SCFD2: variants seen among roughly 807,000 people sequenced by gnomAD.
The protein encoded by SCFD2 is sec1 family domain-containing protein 2.
In SCFD2, 54 loss-of-function variants were observed where a neutral mutation model predicts 58.9. The ratio of observed to expected loss-of-function variants is 0.92; its 90% CI spans 0.74 to 1.15. The LOEUF (loss-of-function observed/expected upper bound fraction) is 1.15, where lower values mean the gene tolerates loss of function less well. Ranked by LOEUF, SCFD2 falls within the 50% of genes most tolerant of loss-of-function variation. The pLI is 0.00. For synonymous variants in SCFD2, 321 were observed against 335.9 expected (o/e 0.96, Z 0.49); for missense variants, 805 against 836.6 (o/e 0.96, Z 0.47).
intron 2 of SCFD2, among the ~76,000 whole-genome samples, chr4:53,346,703 G>A (rs1210603708): frequency 3.3e-5 from 5 of 152,164 alleles, no homozygotes; most frequent in Admixed American, 2.0e-4. Context: ...GTGGAGGAAG[G>A]AGACATGTAA....
intron 4 of SCFD2, among the ~76,000 whole-genome samples, chr4:53,223,628 A>G (rs545992755): frequency 1.3e-5 from 2 of 152,354 alleles, no homozygotes; most frequent in Non-Finnish European, 2.9e-5. Flanking sequence ...GTCTCACGGA[A>G]CATTTTCTCA....
intron 5 of SCFD2, among the ~76,000 whole-genome samples, chr4:53,012,829 TG>T (rs1215495945): frequency 2.4e-3 from 250 of 103,696 alleles, no homozygotes; most frequent in African/African-American, 8.4e-3. Flanking sequence ...TGTGTGTGTG[TG>T]TGTGTGTTTT....
At chr4:52,969,470 A>G (rs930093935) in intron 5 of SCFD2, among the ~76,000 whole-genome samples, 6 of 152,180 alleles carry the variant, frequency 3.9e-5, no homozygotes, top group Admixed American at 6.5e-5. Flanking sequence ...GCCCCTCTCA[A>G]ACATTCCATC....
At chr4:52,963,506 T>C (rs1720897651) in intron 5 of SCFD2, among the ~76,000 whole-genome samples, 1 of 152,212 alleles carries the variant, frequency 6.6e-6, no homozygotes, top group East Asian at 1.9e-4. Flanking sequence ...TAAAGAATAT[T>C]TTTAACTTGA....
At chr4:53,032,286 G>A (rs1722634340) in intron 5 of SCFD2, among the ~76,000 whole-genome samples, 1 of 152,120 alleles carries the variant, frequency 6.6e-6, no homozygotes, top group South Asian at 2.1e-4. Context: ...GCTCCTGAAG[G>A]AAGCACTAAA....
chr4:53,171,440 T>C (rs1262592819), intron 4 of SCFD2, among the ~76,000 whole-genome samples: 2 of 152,224 alleles, frequency 1.3e-5, no homozygotes, highest in East Asian at 1.9e-4. Flanking sequence ...TTAAGAATGA[T>C]TGTGTCTGTG....
chr4:53,159,940 C>T (rs1256359645), intron 4 of SCFD2, among the ~76,000 whole-genome samples: 1 of 152,002 alleles, frequency 6.6e-6, no homozygotes, highest in Non-Finnish European at 1.5e-5. Context: ...GAGATATGCA[C>T]AAAAAAATGC....
intron 4 of SCFD2, among the ~76,000 whole-genome samples, chr4:53,207,045 G>C (rs1477529364): frequency 6.6e-6 from 1 of 151,970 alleles, no homozygotes; most frequent in Non-Finnish European, 1.5e-5. Context: ...GTATGGCATG[G>C]CGAGAGGGCA....
intron 5 of SCFD2, among the ~76,000 whole-genome samples, chr4:53,109,572 A>G (rs1330514866): frequency 1.3e-5 from 2 of 152,192 alleles, no homozygotes; most frequent in African/African-American, 4.8e-5. Context: ...CTATACACCA[A>G]TAATAGAAAA....
At chr4:53,169,594 T>C (rs1404000868) in intron 4 of SCFD2, among the ~76,000 whole-genome samples, 1 of 152,104 alleles carries the variant, frequency 6.6e-6, no homozygotes, top group Non-Finnish European at 1.5e-5. Context: ...ATATGGTAAT[T>C]CAAAATATTT....
At chr4:53,266,016 AC>A (rs896931919) in intron 4 of SCFD2, among the ~76,000 whole-genome samples, 15 of 152,048 alleles carry the variant, frequency 9.9e-5, no homozygotes, top group African/African-American at 3.4e-4. Context: ...GGTGTGAGCC[AC>A]CAGGCCTGGC....
Position 53,145,535 on chromosome 4 carries a change from G to C in SCFD2, c.1359C>G (p.Pro453=), listed in dbSNP as rs1462440530. ...TTCTCTGGGTTACAGGCTTAATCAT[G>C]GGCAGCAGCTGATTTAACACAACGG... The part of the protein sequence containing the change: ...AMSVVLNQLL[P]MIKPVTQRTN... Residue 453 remains proline, a synonymous_variant, in exon 5 of 9, where the codon CCC becomes CCG. Coordinates refer to ENST00000401642, the MANE Select transcript of SCFD2 (RefSeq NM_152540.4). The C allele has an allele frequency of 1.9e-6, 3 of 1,613,986 alleles. No individual in the cohort carries two copies. In the East Asian group the frequency reaches 6.7e-5, roughly 36 times the overall value.
At position 52,873,945 on chromosome 4, in the gene SCFD2, A is replaced by G; in HGVS notation, c.*24T>C. 1 of 1,564,096 alleles carries G rather than the reference A, an allele frequency of 6.4e-7. No individual in the cohort carries two copies. Among genetic ancestry groups the G allele is most frequent in the South Asian group, 1.1e-5 (1 of 90,074 alleles). On this transcript the variant is annotated 3_prime_UTR_variant, in exon 9 of 9. Transcript: ENST00000401642. ...TTGCATCGGCATTTCCAGCTTGAGT[A>G]GGTCTTATCTTCTTAGCGGATGCTC...
intron 5 of SCFD2, among the ~76,000 whole-genome samples, chr4:53,009,401 T>C (rs1722047989): frequency 6.6e-6 from 1 of 152,218 alleles, no homozygotes; most frequent in African/African-American, 2.4e-5. Flanking sequence ...AACAACCTTT[T>C]GAGATCTTTT....
chr4:53,006,358 T>C lies in SCFD2; in HGVS notation c.1562-85488A>G, dbSNP rs150465696. 1.6e-3 allele frequency among the ~76,000 whole-genome samples: 248 copies of C among 152,320 alleles called. 2 individuals carry two copies. Among genetic ancestry groups the C allele is most frequent in the African/African-American group, 5.5e-3 (230 of 41,586 alleles). ...TCTCTGAAGCAGTGGTTGTTTTCTC[T>C]CCTACAAACTTCACACCATTGGGCC... On this transcript the variant is annotated intron_variant, in intron 5 of 8. Transcript: ENST00000401642.
At chr4:53,238,237 C>G (rs1290734704) in intron 4 of SCFD2, among the ~76,000 whole-genome samples, 2 of 136,302 alleles carry the variant, frequency 1.5e-5, no homozygotes, top group Admixed American at 1.4e-4. Flanking sequence ...GGGCTCCTCA[C>G]TTCCCAGTAG....
intron 5 of SCFD2, among the ~76,000 whole-genome samples, chr4:53,088,383 C>A (rs952183170): frequency 2.6e-5 from 4 of 152,168 alleles, no homozygotes; most frequent in Non-Finnish European, 1.5e-5. Context: ...CCTGACAGAG[C>A]CGTGGGAGCA....
intron 4 of SCFD2, among the ~76,000 whole-genome samples, chr4:53,175,241 C>G (rs1727293605): frequency 6.6e-6 from 1 of 152,094 alleles, no homozygotes; most frequent in Non-Finnish European, 1.5e-5. Flanking sequence ...TTTCTTAAAA[C>G]AAAGCCATGT....
chr4:53,302,239 C>T (rs1732336232), intron 3 of SCFD2, among the ~76,000 whole-genome samples: 1 of 152,198 alleles, frequency 6.6e-6, no homozygotes, highest in Non-Finnish European at 1.5e-5. Context: ...AGCTGATAAG[C>T]AACTTCAGCA....
Sources: allele counts gnomAD v4.1 joint callset (sites outside exome capture counted in the v4.1 genomes callset), GRCh38; gene constraint gnomAD v4.1.1; transcripts MANE v1.5; gene names NCBI Gene and HGNC (gene_info 2026-07-23, HGNC 2026-07-21).